ZNF385B: variants seen among roughly 807,000 people sequenced by gnomAD.
ZNF385B encodes the protein zinc finger protein 385B, also known as zinc finger protein 533.
ZNF385B carries 23 observed loss-of-function variants against 39.2 expected under a neutral mutation model. The ratio of observed to expected loss-of-function variants is 0.59; its 90% CI spans 0.42 to 0.83. The LOEUF (loss-of-function observed/expected upper bound fraction) is 0.83. ZNF385B is among the 40% of genes least tolerant of loss of function. ZNF385B has a pLI of 0.00. For synonymous variants in ZNF385B, 205 were observed against 222.6 expected (o/e 0.92, Z 0.70); for missense variants, 552 against 598.9 (o/e 0.92, Z 0.82).
intron 3 of ZNF385B, among the ~76,000 whole-genome samples, chr2:179,572,942 T>A (rs1482140397): frequency 1.3e-5 from 2 of 152,186 alleles, no homozygotes; most frequent in Non-Finnish European, 2.9e-5. Flanking sequence ...TCAAAGATAA[T>A]CATTTGTTTA....
At chr2:179,617,369 A>G (rs1689839893) in intron 3 of ZNF385B, among the ~76,000 whole-genome samples, 1 of 152,202 alleles carries the variant, frequency 6.6e-6, no homozygotes, top group African/African-American at 2.4e-5. Flanking sequence ...AAGGAAGAAT[A>G]GTGTGTGTTG....
At chr2:179,678,319 C>T (rs181862459) in intron 3 of ZNF385B, among the ~76,000 whole-genome samples, 1 of 152,318 alleles carries the variant, frequency 6.6e-6, no homozygotes, top group African/African-American at 2.4e-5. Context: ...GATCACTAAT[C>T]TTTAGTTAGG....
chr2:179,470,880 A>AAC (rs1358481369), intron 6 of ZNF385B, among the ~76,000 whole-genome samples: 1 of 152,100 alleles, frequency 6.6e-6, no homozygotes, highest in African/African-American at 2.4e-5. Context: ...CAAACAAACA[A>AAC]ACAAACAAAC....
intron 3 of ZNF385B, among the ~76,000 whole-genome samples, chr2:179,627,178 T>C (rs1209494418): frequency 6.6e-6 from 1 of 152,178 alleles, no homozygotes; most frequent in Non-Finnish European, 1.5e-5. Context: ...TTTGTGACAC[T>C]GTGCCTGAAA....
chr2:179,513,357 C>T (rs1385272992), intron 5 of ZNF385B, among the ~76,000 whole-genome samples: 1 of 152,108 alleles, frequency 6.6e-6, no homozygotes, highest in Admixed American at 6.5e-5. Context: ...GCTTTACTGC[C>T]CAGAGTCTAA....
intron 3 of ZNF385B, among the ~76,000 whole-genome samples, chr2:179,601,069 A>G (rs1688371534): frequency 6.6e-6 from 1 of 152,244 alleles, no homozygotes; most frequent in Non-Finnish European, 1.5e-5. Context: ...ATGAATGCAT[A>G]TAACCCAGTT....
At chr2:179,811,101 C>G (rs1393446410) in intron 1 of ZNF385B, among the ~76,000 whole-genome samples, 5 of 152,000 alleles carry the variant, frequency 3.3e-5, no homozygotes, top group Middle Eastern at 3.4e-3. Flanking sequence ...TACATCTAAC[C>G]AAGGATGTAA....
intron 1 of ZNF385B, among the ~76,000 whole-genome samples, chr2:179,825,408 T>A (rs1707624293): frequency 6.6e-6 from 1 of 152,176 alleles, no homozygotes. Flanking sequence ...GTGTAAAAAA[T>A]ACTTGGTGGT....
intron 6 of ZNF385B, among the ~76,000 whole-genome samples, chr2:179,460,803 A>G (rs2051246868): frequency 6.6e-6 from 1 of 152,044 alleles, no homozygotes. Context: ...AGCATTTCCC[A>G]TTCCCTAGCC....
rs190295608 is a variant in ZNF385B, at chr2:179,781,769, G to A, written c.-154-11097C>T. On this transcript the variant is annotated intron_variant, in intron 1 of 9. Transcript: ENST00000410066. ...GACACATTCATCCTGCCAAGACTGA[G>A]CCAGGAAGATATTGATTCCATGAAC... Among the ~76,000 whole-genome samples the A allele has an allele frequency of 4.4e-3, 666 of 152,216 alleles. 1 individual carries two copies. Among genetic ancestry groups the A allele is most frequent in the Non-Finnish European group, 7.8e-3 (532 of 68,002 alleles).
chr2:179,816,868 G>A (rs868145146), intron 1 of ZNF385B, among the ~76,000 whole-genome samples: 3 of 152,102 alleles, frequency 2.0e-5, no homozygotes, highest in South Asian at 2.1e-4. Flanking sequence ...ATGCACCAAC[G>A]GACCAGTGTG....
chr2:179,624,052 C>A (rs1330743521), intron 3 of ZNF385B, among the ~76,000 whole-genome samples: 3 of 152,138 alleles, frequency 2.0e-5, no homozygotes, highest in African/African-American at 7.2e-5. Flanking sequence ...CTAGAACCAG[C>A]CCAAGTACAA....
chr2:179,467,533 GT>G (rs985824184), intron 6 of ZNF385B, among the ~76,000 whole-genome samples: 15 of 152,208 alleles, frequency 9.9e-5, no homozygotes, highest in Non-Finnish European at 2.1e-4. Flanking sequence ...CTTAAAGCTA[GT>G]TTTTGAAATT....
intron 6 of ZNF385B, among the ~76,000 whole-genome samples, chr2:179,468,594 A>AT (rs1174517228): frequency 2.0e-5 from 3 of 152,332 alleles, no homozygotes; most frequent in Admixed American, 2.0e-4. Context: ...ATGGCTCTTT[A>AT]TAGAGGAAAC....
chr2:179,605,268 T>C (rs967774252), intron 3 of ZNF385B, among the ~76,000 whole-genome samples: 1 of 152,162 alleles, frequency 6.6e-6, no homozygotes, highest in African/African-American at 2.4e-5. Flanking sequence ...ATTTACTTTC[T>C]GATTAAAATA....
At chr2:179,506,145 C>T (rs1005996152) in intron 5 of ZNF385B, among the ~76,000 whole-genome samples, 1 of 152,124 alleles carries the variant, frequency 6.6e-6, no homozygotes, top group African/African-American at 2.4e-5. Flanking sequence ...AAGCTTGTTT[C>T]AGATGCAGTT....
intron 1 of ZNF385B, among the ~76,000 whole-genome samples, chr2:179,832,441 T>C (rs191719828): frequency 2.6e-5 from 4 of 152,320 alleles, no homozygotes; most frequent in East Asian, 3.9e-4. Context: ...AAAGTTAATG[T>C]ATATAAACCT....
chr2:179,553,867 A>T (rs537567594), intron 3 of ZNF385B, among the ~76,000 whole-genome samples: 2 of 148,302 alleles, frequency 1.3e-5, no homozygotes, highest in East Asian at 1.9e-4. Flanking sequence ...CAAGCCTTAA[A>T]TTTTTTTTTA....
intron 5 of ZNF385B, among the ~76,000 whole-genome samples, chr2:179,493,023 T>G (rs1162073248): frequency 6.6e-6 from 1 of 152,148 alleles, no homozygotes; most frequent in Non-Finnish European, 1.5e-5. Context: ...TAACTTTGAT[T>G]CACCGATAAA....
Sources: gnomAD v4.1 joint callset for allele counts (sites outside exome capture counted in the v4.1 genomes callset) on GRCh38, gnomAD v4.1.1 for gene constraint, MANE v1.5 for transcripts, NCBI Gene and HGNC (gene_info 2026-07-23, HGNC 2026-07-21) for gene names.